ANO2: variants seen among roughly 807,000 people sequenced by gnomAD.
ANO2 encodes the protein anoctamin 2, also known as anoctamin-2.
Under a neutral mutation model 124.2 loss-of-function variants are expected in ANO2, and 101 were observed. The observed-to-expected ratio is 0.81, with a 90% CI of 0.69 to 0.96. The LOEUF (loss-of-function observed/expected upper bound fraction) is 0.96. Among genes scored for constraint, ANO2 ranks in the 40% least tolerant of loss-of-function variants. The pLI, the probability that ANO2 is intolerant of heterozygous loss-of-function variation, is 0.00. For missense variants in ANO2, 1,293 were observed against 1,274.5 expected (o/e 1.01, Z -0.22); for synonymous variants, 486 against 482.5 (o/e 1.01, Z -0.09).
Position 5,900,460 on chromosome 12 carries a change from C to T in ANO2, c.534+20580G>A, listed in dbSNP as rs1160533658. Reference sequence around the variant, plus strand: ...GAATTTGAGTATGTTACTGAACTTCCATGGACCTCCATCTGTAAAATGAGA... The same window carrying T: ...GAATTTGAGTATGTTACTGAACTTCTATGGACCTCCATCTGTAAAATGAGA... On this transcript the variant is annotated intron_variant, in intron 3 of 24. Transcript: ENST00000682330. The surrounding 1 kb of genome is among the most constrained non-coding windows in gnomAD (Gnocchi z 4.2). Among the ~76,000 whole-genome samples, 1 of 152,144 alleles carries T rather than the reference C, an allele frequency of 6.6e-6. No individual in the cohort carries two copies. Among genetic ancestry groups the T allele is most frequent in the Non-Finnish European group, 1.5e-5 (1 of 68,020 alleles).
intron 3 of ANO2, among the ~76,000 whole-genome samples, chr12:5,879,368 G>A (rs924638915): frequency 6.6e-6 from 1 of 152,088 alleles, no homozygotes; most frequent in Non-Finnish European, 1.5e-5. Context: ...AAATAAACAA[G>A]TTATTATAGC....
intron 14 of ANO2, among the ~76,000 whole-genome samples, chr12:5,648,231 C>G (rs535799411): frequency 6.6e-6 from 1 of 152,130 alleles, no homozygotes; most frequent in Non-Finnish European, 1.5e-5. Context: ...AAGCAGTGGA[C>G]AAATGACAGA....
intron 3 of ANO2, among the ~76,000 whole-genome samples, chr12:5,901,408 G>T (rs1163953118): frequency 6.6e-6 from 1 of 152,162 alleles, no homozygotes; most frequent in Non-Finnish European, 1.5e-5. Flanking sequence ...TTGCCTCCCT[G>T]GAGGCCACCA....
At chr12:5,830,212 G>T (rs1954106596) in intron 6 of ANO2, among the ~76,000 whole-genome samples, 1 of 151,932 alleles carries the variant, frequency 6.6e-6, no homozygotes, top group East Asian at 1.9e-4. Flanking sequence ...CTTTAATGGA[G>T]AACCCATAAA....
chr12:5,831,102 G>T (rs1948687309), intron 5 of ANO2, among the ~76,000 whole-genome samples: 1 of 152,180 alleles, frequency 6.6e-6, no homozygotes, highest in South Asian at 2.1e-4. Context: ...TCAGAAAATA[G>T]CACATGGGGC....
At chr12:5,851,204 A>C (rs753778417) in intron 4 of ANO2, among the ~76,000 whole-genome samples, 1 of 152,240 alleles carries the variant, frequency 6.6e-6, no homozygotes, top group South Asian at 2.1e-4. Flanking sequence ...CTACAGATGT[A>C]AGTTCCAAAC....
At chr12:5,748,884 A>AC (rs1178402781) in intron 11 of ANO2, among the ~76,000 whole-genome samples, 1 of 150,948 alleles carries the variant, frequency 6.6e-6, no homozygotes, top group Non-Finnish European at 1.5e-5. Flanking sequence ...AAAAAAAAAA[A>AC]AAAACAAAAC....
chr12:5,813,450 T>C (rs1591647310), intron 7 of ANO2, among the ~76,000 whole-genome samples: 1 of 152,232 alleles, frequency 6.6e-6, no homozygotes, highest in Non-Finnish European at 1.5e-5. Flanking sequence ...CAGATTCTGA[T>C]TCAGCAAATG....
chr12:5,587,630 G>T (rs1943183277), intron 20 of ANO2, among the ~76,000 whole-genome samples: 1 of 152,108 alleles, frequency 6.6e-6, no homozygotes, highest in Admixed American at 6.5e-5. Context: ...CTCCGAGATG[G>T]GGGAGTGGGA....
chr12:5,720,273 C>T (rs1243463716), intron 14 of ANO2, among the ~76,000 whole-genome samples: 2 of 152,150 alleles, frequency 1.3e-5, no homozygotes, highest in African/African-American at 2.4e-5. Context: ...TTTGAAAGCT[C>T]CTTTTGACCA....
chr12:5,735,132 G>C (rs1188605777), intron 13 of ANO2, among the ~76,000 whole-genome samples: 1 of 152,138 alleles, frequency 6.6e-6, no homozygotes, highest in Non-Finnish European at 1.5e-5. Context: ...CTGAGCTCCT[G>C]GCCAGAGCAG....
Position 5,580,313 on chromosome 12 carries a change from T to A in ANO2, c.2234-1795A>T, listed in dbSNP as rs561522471. 7.2e-5 allele frequency among the ~76,000 whole-genome samples: 11 copies of A among 152,324 alleles called. No homozygotes were observed. The South Asian group carries it at 2.3e-3, about 32-fold the overall frequency. ...CATAATAACTGTTTAATAAATGGTA[T>A]CTTTTATGTGTAATTTTATTCTTAT... is the stretch of plus-strand genomic sequence containing the variant. On this transcript the variant is annotated intron_variant, in intron 20 of 24. Transcript: ENST00000682330.
chr12:5,727,871 A>C (rs1174319252), intron 14 of ANO2, among the ~76,000 whole-genome samples: 9 of 141,834 alleles, frequency 6.3e-5, no homozygotes, highest in Non-Finnish European at 1.2e-4. Context: ...CAGTCGTGCA[A>C]TCTCGGCTCA....
intron 3 of ANO2, among the ~76,000 whole-genome samples, chr12:5,878,547 T>A (rs1370867820): frequency 6.6e-6 from 1 of 152,260 alleles, no homozygotes; most frequent in Non-Finnish European, 1.5e-5. Flanking sequence ...ATTGGCATTA[T>A]TGATTTTTCT....
At position 5,602,123 on chromosome 12, in the gene ANO2, T is replaced by C. The variant is rs182749451; in HGVS notation, c.2088-2494A>G. Among the ~76,000 whole-genome samples, 35 of 151,866 alleles carry C rather than the reference T, an allele frequency of 2.3e-4. 1 individual carries two copies. The highest frequency in any genetic ancestry group is 6.0e-4 in the African/African-American group (25 of 41,386). On this transcript the variant is annotated intron_variant, in intron 19 of 24. Transcript: ENST00000682330. ...GAAGAGAAAAATGAGCCAGGAAAAATCTAGATCTGAAATGAATTCAATAAA... is the reference window on the plus strand; with the variant it reads ...GAAGAGAAAAATGAGCCAGGAAAAACCTAGATCTGAAATGAATTCAATAAA...
chr12:5,834,918 C>A (rs943510874), intron 4 of ANO2, among the ~76,000 whole-genome samples: 18 of 151,972 alleles, frequency 1.2e-4, no homozygotes. Context: ...CTATAATTTG[C>A]TTTTTTTTCA....
At chr12:5,939,213 C>CAAAAAAAAAAA (rs34787622) in intron 1 of ANO2, among the ~76,000 whole-genome samples, 1 of 86,190 alleles carries the variant, frequency 1.2e-5, no homozygotes, top group Non-Finnish European at 2.1e-5. Context: ...AAGACTCCAA[C>CAAAAAAAAAAA]AAAAAAAAAA....
At chr12:5,639,723 G>A (rs1946232865) in intron 15 of ANO2, among the ~76,000 whole-genome samples, 1 of 152,208 alleles carries the variant, frequency 6.6e-6, no homozygotes, top group African/African-American at 2.4e-5. Context: ...CCTGTAGTGT[G>A]AGGATGTGGG....
intron 14 of ANO2, among the ~76,000 whole-genome samples, chr12:5,721,007 G>A (rs1346829214): frequency 6.6e-6 from 1 of 152,180 alleles, no homozygotes; most frequent in Non-Finnish European, 1.5e-5. Flanking sequence ...GCTCCGTGCA[G>A]GGAGATGTTT....
Sources: gnomAD v4.1 joint callset for allele counts (sites outside exome capture counted in the v4.1 genomes callset) on GRCh38, gnomAD v4.1.1 for gene constraint, Gnocchi (gnomAD v3.1) non-coding constraint, MANE v1.5 for transcripts, NCBI Gene and HGNC (gene_info 2026-07-23, HGNC 2026-07-21) for gene names.